The following CTNNB1 variants were observed in gnomAD, a reference collection of about 807,000 sequenced individuals.
The protein encoded by CTNNB1 is catenin beta-1.
In CTNNB1, 6 loss-of-function variants were observed where a neutral mutation model predicts 82.5. That is an observed-to-expected ratio of 0.07 (90% CI 0.04 to 0.14). CTNNB1 has a LOEUF of 0.14. CTNNB1 is among the 10% of genes least tolerant of loss of function. CTNNB1 has a pLI of 1.00. For missense variants in CTNNB1, 529 were observed against 980.4 expected, an observed-to-expected ratio of 0.54 and a Z score of 6.15; for synonymous variants, 312 against 329.7, an observed-to-expected ratio of 0.95 and a Z score of 0.58.
chr3:41,209,876 A>G (rs934821228), intron 1 of CTNNB1, among the ~76,000 whole-genome samples: 1 of 152,198 alleles, frequency 6.6e-6, no homozygotes, highest in African/African-American at 2.4e-5. Flanking sequence ...GGAACGTGAA[A>G]GATGTGGGAC....
Position 41,233,724 on chromosome 3 carries a change from A to G in CTNNB1, c.1381A>G (p.Thr461Ala). The change falls in exon 9 of 15, where the codon ACT becomes GCT. Residue 461 changes from threonine (T) to alanine (A), a missense_variant. Coordinates refer to ENST00000349496, the MANE Select transcript of CTNNB1 (RefSeq NM_001904.4). ...VLRAGDREDI[T>A]EPAICALRHL... ...TCGGGCTGGTGACAGGGAAGACATCACTGAGCCTGCCATCTGTGCTCTTCG... is the reference window on the plus strand; with the variant it reads ...TCGGGCTGGTGACAGGGAAGACATCGCTGAGCCTGCCATCTGTGCTCTTCG... 6.2e-7 allele frequency: 1 copy of G among 1,614,082 alleles called. No individual in the cohort carries two copies. Among genetic ancestry groups the G allele is most frequent in the African/African-American group, 1.3e-5 (1 of 75,004 alleles).
intron 1 of CTNNB1, among the ~76,000 whole-genome samples, chr3:41,206,436 A>G (rs1441403034): frequency 6.6e-6 from 1 of 152,138 alleles, no homozygotes; most frequent in Non-Finnish European, 1.5e-5. Context: ...TATATATAGC[A>G]TACCTTATTG....
intron 1 of CTNNB1, among the ~76,000 whole-genome samples, chr3:41,223,113 T>G (rs1361173329): frequency 6.6e-6 from 1 of 152,160 alleles, no homozygotes; most frequent in Non-Finnish European, 1.5e-5. Flanking sequence ...AAATATTTTA[T>G]TCCATATCTT....
intron 7 of CTNNB1, among the ~76,000 whole-genome samples, 168 bp downstream of exon 7, chr3:41,227,520 A>G (rs1222864429): frequency 2.0e-5 from 3 of 152,202 alleles, no homozygotes; most frequent in Non-Finnish European, 2.9e-5. Flanking sequence ...ATTGTAGCTA[A>G]ATATTTAAGG....
chr3:41,236,138 C>T, intron 11 of CTNNB1: 1 of 748,304 alleles, frequency 1.3e-6, no homozygotes, highest in South Asian at 1.7e-5. Flanking sequence ...GTTAGAGCTG[C>T]CTCTGAAGAA....
chr3:41,224,091 A>C lies in CTNNB1; in HGVS notation c.13+10A>C, dbSNP rs2078116157. The C allele has an allele frequency of 6.2e-6, 10 of 1,613,652 alleles. No homozygotes were observed. Among genetic ancestry groups the C allele is most frequent in the African/African-American group, 2.7e-5 (2 of 74,898 alleles). On this transcript the variant is annotated intron_variant, in intron 2 of 14. Transcript: ENST00000349496. ...ACAATGGCTACTCAAGGTTTGTGTC[A>C]TTAAATCTTTAGTTACTGAATTGGG... is the stretch of plus-strand genomic sequence containing the variant.
At chr3:41,226,874 A>T (rs907525072) in intron 6 of CTNNB1, among the ~76,000 whole-genome samples, 8 of 152,192 alleles carry the variant, frequency 5.3e-5, no homozygotes, top group Non-Finnish European at 8.8e-5. Flanking sequence ...CAGTTTTGAT[A>T]TAACTTTCAT....
chr3:41,205,752 G>C (rs1575284115), intron 1 of CTNNB1, among the ~76,000 whole-genome samples: 1 of 152,140 alleles, frequency 6.6e-6, no homozygotes, highest in Non-Finnish European at 1.5e-5. Flanking sequence ...TCATAGGCCG[G>C]TGTTGGTTTA....
chr3:41,237,889 A>G, intron 13 of CTNNB1, 127 bp from the exon 14 acceptor site: 1 of 794,552 alleles, frequency 1.3e-6, no homozygotes, highest in Admixed American at 1.9e-5. Context: ...TTTTCTAAGC[A>G]TTTGTGTAAT....
intron 1 of CTNNB1, chr3:41,200,473 CGAAGGTGATGGCTTACT>C (rs1232871331): frequency 2.4e-4 from 37 of 152,142 alleles, no homozygotes; most frequent in African/African-American, 8.9e-4. Flanking sequence ...TGGAGGAAGG[CGAAGGTGATGGCTTACT>C]GTTTCTTACC....
At chr3:41,237,031 G>T in intron 13 of CTNNB1, 1 of 472,190 alleles carries the variant, frequency 2.1e-6, no homozygotes, top group Non-Finnish European at 3.7e-6. Context: ...ACTGTTAAGA[G>T]GACAGTTTAT....
chr3:41,206,338 A>T (rs1197088932), intron 1 of CTNNB1, among the ~76,000 whole-genome samples: 1 of 152,220 alleles, frequency 6.6e-6, no homozygotes, highest in Non-Finnish European at 1.5e-5. Context: ...CGTACAAAAA[A>T]GCTGAAGTGT....
chr3:41,210,950 C>G lies in CTNNB1; in HGVS notation c.-49+11280C>G, dbSNP rs530089152. On this transcript the variant is annotated intron_variant, in intron 1 of 14. Transcript: ENST00000349496. ...GACTACACCAGGCACCCCACCATGCCTGGCTAATTAAAAAAAATTTTTTGT... is the reference window on the plus strand; with the variant it reads ...GACTACACCAGGCACCCCACCATGCGTGGCTAATTAAAAAAAATTTTTTGT... The G allele has an allele frequency of 9.0e-6, 4 of 445,266 alleles. No homozygotes were observed. The Admixed American group carries it at 9.5e-5, about 11-fold the overall frequency. The allele number at this position is 445,266 out of a possible 1,614,324, so 27.6% of individuals were successfully genotyped here.
intron 1 of CTNNB1, among the ~76,000 whole-genome samples, chr3:41,210,783 T>C (rs2077764228): frequency 6.6e-6 from 1 of 152,124 alleles, no homozygotes; most frequent in South Asian, 2.1e-4. Flanking sequence ...TGGACATAAC[T>C]GTATATGCTA....
intron 1 of CTNNB1, among the ~76,000 whole-genome samples, chr3:41,204,065 ACTT>A (rs745433009): frequency 1.4e-3 from 209 of 151,672 alleles, no homozygotes; most frequent in Non-Finnish European, 2.4e-3. Flanking sequence ...ATTTTTTACT[ACTT>A]AAGAAATGTA....
At chr3:41,235,558 C>G in intron 10 of CTNNB1, 166 bp from the exon 11 acceptor site, 1 of 860,676 alleles carries the variant, frequency 1.2e-6, no homozygotes, top group Non-Finnish European at 1.9e-6. Flanking sequence ...GCCAGGAGGC[C>G]TCTTTTCAGT....
intron 14 of CTNNB1, 63 bp from the exon 15 acceptor site, chr3:41,239,071 G>A (rs2125652622): frequency 6.5e-6 from 9 of 1,379,582 alleles, no homozygotes; most frequent in Non-Finnish European, 9.3e-6. Flanking sequence ...GTCTATGTCT[G>A]CTTCTCTCCT....
chr3:41,239,918 TA>T lies in CTNNB1; in HGVS notation c.*579del, dbSNP rs150512515. ...TTTATCAAACCCTAGCCTTGCTTGT[TA>T]AATTTTTTTTTTTTTTTTTTTAAGA... On this transcript the variant is annotated 3_prime_UTR_variant, in exon 15 of 15. Transcript: ENST00000349496. 1 of 174,070 alleles carries T rather than the reference TA, an allele frequency of 5.7e-6. No individual in the cohort carries two copies. 10.8% of individuals were successfully genotyped at this position (174,070 alleles called of 1,614,324 possible). A position where few individuals can be genotyped will look rare whatever the true frequency, so the allele number is the denominator to read the frequency against.
Position 41,238,145 on chromosome 3 carries a change from C to T in CTNNB1, c.2137+69C>T, listed in dbSNP as rs978820698. 3.1e-5 allele frequency: 43 copies of T among 1,407,838 alleles called. No individual in the cohort carries two copies. The African/African-American group carries it at 3.7e-4, about 12-fold the overall frequency. 87.2% of individuals were successfully genotyped at this position (1,407,838 alleles called of 1,614,324 possible). A position where few individuals can be genotyped will look rare whatever the true frequency, so the allele number is the denominator to read the frequency against. ...GTTCTAAAACTTTTATCAGAAGAGCCGGTTTGCTCATCTGGGAAACCAGTG... is the reference window on the plus strand; with the variant it reads ...GTTCTAAAACTTTTATCAGAAGAGCTGGTTTGCTCATCTGGGAAACCAGTG... On this transcript the variant is annotated intron_variant, in intron 14 of 14. Transcript: ENST00000349496.
Sources: gnomAD v4.1 joint callset for allele counts (sites outside exome capture counted in the v4.1 genomes callset) on GRCh38, gnomAD v4.1.1 for gene constraint, MANE v1.5 for transcripts, NCBI Gene and HGNC (gene_info 2026-07-23, HGNC 2026-07-21) for gene names.